SLC38A11: variants seen among roughly 807,000 people sequenced by gnomAD.
SLC38A11 encodes the protein solute carrier family 38 member 11, also known as putative sodium-coupled neutral amino acid transporter 11.
Under a neutral mutation model 49.4 loss-of-function variants are expected in SLC38A11, and 51 were observed. The ratio of observed to expected loss-of-function variants is 1.03; its 90% CI spans 0.83 to 1.30. The LOEUF (loss-of-function observed/expected upper bound fraction) is 1.30, where lower values mean the gene tolerates loss of function less well. Ranked by LOEUF, SLC38A11 falls within the 50% of genes most tolerant of loss-of-function variation. SLC38A11 has a pLI of 0.00. For missense variants in SLC38A11, 574 were observed against 556.2 expected (o/e 1.03, Z -0.32); for synonymous variants, 203 against 192.9 (o/e 1.05, Z -0.43).
chr2:164,929,663 C>T (rs1441569848), intron 7 of SLC38A11, among the ~76,000 whole-genome samples: 1 of 152,104 alleles, frequency 6.6e-6, no homozygotes, highest in African/African-American at 2.4e-5. Flanking sequence ...CCAAGCATAC[C>T]TAATAATAGG....
chr2:164,955,382 G>T lies in SLC38A11; in HGVS notation c.-135C>A. The stretch of plus-strand genomic sequence containing the variant: ...CAGAGCTGCAGGGAGCCAGTTCCAC[G>T]GGCGCCCCCTGCTCCCTCGGCAGGC... On this transcript the variant is annotated 5_prime_UTR_variant, in exon 1 of 12. Transcript: ENST00000685975. The T allele has an allele frequency of 3.6e-6, 3 of 823,612 alleles. No individual in the cohort carries two copies. The highest frequency in any genetic ancestry group is 2.7e-5 in the East Asian group (1 of 36,400). 51.0% of individuals were successfully genotyped at this position (823,612 alleles called of 1,614,324 possible). A position where few individuals can be genotyped will look rare whatever the true frequency, so the allele number is the denominator to read the frequency against.
chr2:164,911,182 C>G (rs1290289670), intron 10 of SLC38A11, among the ~76,000 whole-genome samples: 1 of 151,962 alleles, frequency 6.6e-6, no homozygotes, highest in African/African-American at 2.4e-5. Flanking sequence ...AATAACAAAA[C>G]CAGTTAGAAT....
chr2:164,936,733 T>C (rs1056462647), intron 7 of SLC38A11, among the ~76,000 whole-genome samples: 1 of 152,130 alleles, frequency 6.6e-6, no homozygotes, highest in African/African-American at 2.4e-5. Context: ...AGGCAAAGCA[T>C]ACAAACAGTG....
chr2:164,920,913 T>C (rs1217583490), intron 7 of SLC38A11, among the ~76,000 whole-genome samples: 3 of 152,152 alleles, frequency 2.0e-5, no homozygotes, highest in African/African-American at 7.2e-5. Context: ...TTATAGATTA[T>C]ATGTTTGAGC....
intron 3 of SLC38A11, among the ~76,000 whole-genome samples, chr2:164,950,648 T>A (rs1470772807): frequency 6.6e-6 from 1 of 152,162 alleles, no homozygotes; most frequent in Non-Finnish European, 1.5e-5. Flanking sequence ...ACAATAAAAA[T>A]TATTTTATGT....
At chr2:164,934,360 A>G (rs921138212) in intron 7 of SLC38A11, among the ~76,000 whole-genome samples, 2 of 152,196 alleles carry the variant, frequency 1.3e-5, no homozygotes, top group African/African-American at 2.4e-5. Flanking sequence ...ACAATGTGTC[A>G]GTTAAAAATA....
At chr2:164,943,015 G>A (rs1046427275) in intron 5 of SLC38A11, among the ~76,000 whole-genome samples, 8 of 152,128 alleles carry the variant, frequency 5.3e-5, no homozygotes, top group African/African-American at 1.9e-4. Context: ...TGAGGACTAG[G>A]TATGCTTTCT....
Position 164,914,242 on chromosome 2 carries a change from G to A in SLC38A11, c.850+870C>T, listed in dbSNP as rs578233297. Among the ~76,000 whole-genome samples, 7 of 152,096 alleles carry A rather than the reference G, an allele frequency of 4.6e-5. No individual in the cohort carries two copies. The South Asian group carries it at 1.2e-3, about 27-fold the overall frequency. ...TTGTCTGAAGGTCAATGAGATAATA[G>A]ACCTGCAAGAGCTGTGAAATATGTA... On this transcript the variant is annotated intron_variant, in intron 9 of 11. Transcript: ENST00000685975.
chr2:164,953,460 T>C (rs1688653481), intron 2 of SLC38A11, among the ~76,000 whole-genome samples: 1 of 152,192 alleles, frequency 6.6e-6, no homozygotes, highest in Non-Finnish European at 1.5e-5. Context: ...GCAGTGGTAC[T>C]GTTTAGCATT....
At chr2:164,949,899 A>T (rs13004864) in intron 3 of SLC38A11, 15,157 of 152,254 alleles carry the variant, frequency 0.1, 799 homozygotes, top group Admixed American at 0.13. Flanking sequence ...ATTTAAATGC[A>T]ATATTTTGTT....
At chr2:164,915,481 A>C in intron 8 of SLC38A11, 1 of 496,058 alleles carries the variant, frequency 2.0e-6, no homozygotes, top group Non-Finnish European at 3.5e-6. Flanking sequence ...TTTTCATGTT[A>C]CTCTTGATAT....
At chr2:164,911,812 A>ATTT in intron 9 of SLC38A11, 64 bp from the exon 10 acceptor site, 1 of 852,162 alleles carries the variant, frequency 1.2e-6, no homozygotes, top group Non-Finnish European at 1.8e-6. Flanking sequence ...ACTATCTAAT[A>ATTT]AATTAAATAT....
Position 164,945,603 on chromosome 2 carries a change from A to T in SLC38A11, c.354T>A (p.Tyr118Ter). The T allele has an allele frequency of 6.3e-7, 1 of 1,595,914 alleles. No individual in the cohort carries two copies. ...TCACAGTCAACTTACCTATAAAAGG[A>T]TACAAAAACTGAAGAACAGAGAGGA... ...YLLLSVLQFL[Y>*]PFIAMISYNI... Residue 118 changes from tyrosine (Y) to a stop codon, truncating the protein, a stop_gained, in exon 4 of 12, where the codon TAT (tyrosine) becomes TAA (stop). Transcript: ENST00000685975. LOFTEE classifies it high-confidence loss of function.
intron 1 of SLC38A11, 54 bp downstream of exon 1, chr2:164,955,155 T>A: frequency 6.6e-7 from 1 of 1,524,424 alleles, no homozygotes; most frequent in East Asian, 2.5e-5. Flanking sequence ...TGTTGCAAGG[T>A]GAATGAAATT....
At chr2:164,941,489 T>G (rs1461726037) in intron 5 of SLC38A11, among the ~76,000 whole-genome samples, 2 of 152,170 alleles carry the variant, frequency 1.3e-5, no homozygotes, top group Admixed American at 6.5e-5. Flanking sequence ...CATTATAAAC[T>G]GTCACACCCC....
At chr2:164,948,855 T>C (rs1056267215) in intron 3 of SLC38A11, among the ~76,000 whole-genome samples, 29 of 151,798 alleles carry the variant, frequency 1.9e-4, no homozygotes, top group African/African-American at 7.0e-4. Context: ...CATTCCCACA[T>C]TTCCATCTGC....
intron 7 of SLC38A11, among the ~76,000 whole-genome samples, chr2:164,934,455 A>G (rs545680585): frequency 3.7e-4 from 57 of 152,252 alleles, no homozygotes; most frequent in Admixed American, 1.2e-3. Flanking sequence ...AATGAATCCA[A>G]TTGCCTGGCC....
rs527942114 is a variant in SLC38A11 at position 164,915,646 on chromosome 2, C to T, written c.688+257G>A. On this transcript the variant is annotated intron_variant, in intron 8 of 11. Transcript: ENST00000685975. ...GAAGAAGTCCATAACACTTGCTAGCCTTCCAAGTTAAGAAACAAGATGACT... is the reference window on the plus strand; with the variant it reads ...GAAGAAGTCCATAACACTTGCTAGCTTTCCAAGTTAAGAAACAAGATGACT... The T allele has an allele frequency of 9.0e-6, 4 of 446,722 alleles. No homozygotes were observed. In the East Asian group the frequency reaches 1.2e-4, roughly 14 times the overall value. The allele number at this position is 446,722 out of a possible 1,614,324, so 27.7% of individuals were successfully genotyped here. A position where few individuals can be genotyped will look rare whatever the true frequency, so the allele number is the denominator to read the frequency against.
At chr2:164,946,109 A>C (rs921673479) in intron 3 of SLC38A11, among the ~76,000 whole-genome samples, 3 of 152,320 alleles carry the variant, frequency 2.0e-5, no homozygotes, top group Admixed American at 2.0e-4. Flanking sequence ...AATATTTCAT[A>C]AGTATTCAGT....
Sources: gnomAD v4.1 joint callset for allele counts (sites outside exome capture counted in the v4.1 genomes callset) on GRCh38, gnomAD v4.1.1 for gene constraint, MANE v1.5 for transcripts, NCBI Gene and HGNC (gene_info 2026-07-23, HGNC 2026-07-21) for gene names.